CDK13: variants seen among roughly 807,000 people sequenced by gnomAD.
CDK13 encodes cyclin-dependent kinase 13.
Under a neutral mutation model 137.6 loss-of-function variants are expected in CDK13, and 40 were observed. The observed-to-expected ratio is 0.29, with a 90% CI of 0.23 to 0.38. CDK13 has a LOEUF of 0.38. Among genes scored for constraint, CDK13 ranks in the 10% least tolerant of loss-of-function variants. The pLI, the probability that CDK13 is intolerant of heterozygous loss-of-function variation, is 1.00. For missense variants in CDK13, 1,704 were observed against 1,951.8 expected (o/e 0.87, Z 2.39); for synonymous variants, 869 against 760.1 (o/e 1.14, Z -2.36).
Position 40,097,136 on chromosome 7 carries a change from T to C in CDK13, c.*2156T>C, listed in dbSNP as rs1318124753. On this transcript the variant is annotated 3_prime_UTR_variant, in exon 14 of 14. Transcript: ENST00000181839. ...TTAAATATTTTATATAAAATTGAAC[T>C]GTGTTTGGATAGTTTTTCTAATCAA... The C allele has an allele frequency of 1.3e-5, 2 of 152,152 alleles. No homozygotes were observed. The highest frequency in any genetic ancestry group is 4.8e-5 in the African/African-American group (2 of 41,460). The allele number at this position is 152,152 out of a possible 1,614,324, so 9.4% of individuals were successfully genotyped here. A position where few individuals can be genotyped will look rare whatever the true frequency, so the allele number is the denominator to read the frequency against.
chr7:39,992,894 T>G (rs1265531482), intron 2 of CDK13, among the ~76,000 whole-genome samples: 1 of 152,176 alleles, frequency 6.6e-6, no homozygotes, highest in Non-Finnish European at 1.5e-5. Context: ...TTTTATGTAC[T>G]TTATGCTGTT....
intron 1 of CDK13, among the ~76,000 whole-genome samples, chr7:39,966,961 G>A (rs150458321): frequency 5.3e-4 from 80 of 152,240 alleles, no homozygotes; most frequent in African/African-American, 1.9e-3. Flanking sequence ...CTGCCTGATC[G>A]TTCCTCTGTA....
chr7:39,953,631 T>C (rs987826094), intron 1 of CDK13, among the ~76,000 whole-genome samples: 4 of 152,220 alleles, frequency 2.6e-5, no homozygotes, highest in Admixed American at 6.5e-5. Context: ...TTTTAGGTAT[T>C]GGGATGTAGC....
At chr7:40,070,567 G>A (rs1369752020) in intron 9 of CDK13, 1 of 151,666 alleles carries the variant, frequency 6.6e-6, no homozygotes, top group Non-Finnish European at 1.5e-5. Flanking sequence ...TACAGAATTA[G>A]CGGGCGTGGT....
intron 1 of CDK13, among the ~76,000 whole-genome samples, chr7:39,956,639 C>G (rs1456090239): frequency 1.3e-5 from 2 of 152,050 alleles, no homozygotes; most frequent in Non-Finnish European, 2.9e-5. Context: ...CCCTGGAGTG[C>G]AGTGATGATG....
chr7:40,019,773 A>G (rs1223594404), intron 5 of CDK13, among the ~76,000 whole-genome samples: 1 of 152,180 alleles, frequency 6.6e-6, no homozygotes, highest in Non-Finnish European at 1.5e-5. Context: ...CCTAACTGAG[A>G]GACTTTTAAA....
chr7:39,991,066 G>A (rs1278411057), intron 2 of CDK13, among the ~76,000 whole-genome samples: 4 of 152,146 alleles, frequency 2.6e-5, no homozygotes. Context: ...CTATTGGTTG[G>A]TTTTCCATCC....
At chr7:40,029,216 C>T (rs1785311894) in intron 5 of CDK13, among the ~76,000 whole-genome samples, 1 of 151,236 alleles carries the variant, frequency 6.6e-6, no homozygotes, top group South Asian at 2.1e-4. Flanking sequence ...CACTTGAGGT[C>T]AGGAGTTCAA....
chr7:39,952,472 C>A (rs111561608), intron 1 of CDK13: 1 of 152,118 alleles, frequency 6.6e-6, no homozygotes, highest in African/African-American at 2.4e-5. Flanking sequence ...TAGTGATATT[C>A]TTGTGTGGGA....
intron 5 of CDK13, among the ~76,000 whole-genome samples, chr7:40,028,009 T>G (rs957108191): frequency 1.3e-5 from 2 of 151,338 alleles, no homozygotes; most frequent in South Asian, 4.2e-4. Context: ...TAACCTTGTT[T>G]TTTTTTTTTT....
intron 9 of CDK13, among the ~76,000 whole-genome samples, chr7:40,076,738 A>C (rs1290692909): frequency 1.3e-5 from 2 of 152,192 alleles, no homozygotes; most frequent in East Asian, 3.8e-4. Flanking sequence ...TGTGTTTCTG[A>C]GGTATCATTC....
chr7:40,087,429 C>T (rs1786813160), intron 11 of CDK13, among the ~76,000 whole-genome samples: 1 of 152,138 alleles, frequency 6.6e-6, no homozygotes, highest in South Asian at 2.1e-4. Context: ...AGGCGTGAGC[C>T]ACTGTGCCTG....
intron 9 of CDK13, among the ~76,000 whole-genome samples, chr7:40,068,821 CAA>C (rs1319116672): frequency 6.8e-6 from 1 of 147,116 alleles, no homozygotes; most frequent in East Asian, 2.0e-4. Flanking sequence ...TTAGGTAAAA[CAA>C]AAGACTCAAA....
In CDK13 at chr7:39,951,342, G is replaced by T; in HGVS notation, c.701G>T (p.Arg234Leu). 1 of 1,466,658 alleles carries T rather than the reference G, an allele frequency of 6.8e-7. No individual in the cohort carries two copies. Among genetic ancestry groups the T allele is most frequent in the Non-Finnish European group, 8.9e-7 (1 of 1,117,430 alleles). 90.9% of individuals were successfully genotyped at this position (1,466,658 alleles called of 1,614,324 possible). A position where few individuals can be genotyped will look rare whatever the true frequency, so the allele number is the denominator to read the frequency against. Residue 234 changes from arginine (R) to leucine (L), a missense_variant, in exon 1 of 14, where the codon CGC (arginine) becomes CTC (leucine). Physicochemically the swap from Arg to Leu is moderately radical, Grantham distance 102. Transcript: ENST00000181839. The part of the protein sequence containing the change: ...GGSEASKSRS[R>L]HSHSGEERAE... Reference sequence around the variant, plus strand: ...AGCGAGGCCTCCAAGTCCCGCAGCCGCCACAGCCACAGCGGCGAGGAACGG... The same window carrying T: ...AGCGAGGCCTCCAAGTCCCGCAGCCTCCACAGCCACAGCGGCGAGGAACGG...
intron 5 of CDK13, among the ~76,000 whole-genome samples, chr7:40,019,823 G>A (rs536324957): frequency 2.6e-5 from 4 of 152,250 alleles, no homozygotes; most frequent in African/African-American, 9.6e-5. Flanking sequence ...AAGAGACCCA[G>A]AGATAAGGGC....
intron 2 of CDK13, among the ~76,000 whole-genome samples, chr7:39,994,537 A>G (rs964207685): frequency 7.2e-5 from 11 of 152,194 alleles, no homozygotes; most frequent in African/African-American, 2.2e-4. Context: ...AGACAGTAAT[A>G]TAAAAATGAA....
At chr7:40,003,200 A>ACTCTCTCTCTCTCT (rs1252886780) in intron 5 of CDK13, among the ~76,000 whole-genome samples, 12 of 86,360 alleles carry the variant, frequency 1.4e-4, no homozygotes, top group African/African-American at 4.4e-4. Context: ...ACACACACAC[A>ACTCTCTCTCTCTCT]CACACACTCT....
intron 5 of CDK13, among the ~76,000 whole-genome samples, chr7:40,020,789 C>G (rs574653177): frequency 2.8e-4 from 43 of 152,258 alleles, no homozygotes; most frequent in Admixed American, 9.2e-4. Flanking sequence ...GAATAGATTG[C>G]TTTAAATATA....
In CDK13 at chr7:39,951,929, G is replaced by A. The variant is rs1418288039; in HGVS notation, c.1211+77G>A. ...CCAGGAGGAAGGGAAAGTGGTGCCCGGGTCCTCAGAACGACTCAGGTCCAC... is the reference window on the plus strand; with the variant it reads ...CCAGGAGGAAGGGAAAGTGGTGCCCAGGTCCTCAGAACGACTCAGGTCCAC... On this transcript the variant is annotated intron_variant, in intron 1 of 13. Transcript: ENST00000181839. The A allele has an allele frequency of 1.5e-5, 20 of 1,301,936 alleles. No individual in the cohort carries two copies. In the South Asian group the frequency reaches 5.3e-4, roughly 34 times the overall value. 80.6% of individuals were successfully genotyped at this position (1,301,936 alleles called of 1,614,324 possible).
Sources: gnomAD v4.1 joint callset for allele counts (sites outside exome capture counted in the v4.1 genomes callset) on GRCh38, gnomAD v4.1.1 for gene constraint, MANE v1.5 for transcripts, NCBI Gene and HGNC (gene_info 2026-07-23, HGNC 2026-07-21) for gene names.